Variants in SI observed in about 807,000 individuals in gnomAD.
SI encodes sucrase-isomaltase, intestinal.
SI carries 235 observed loss-of-function variants against 253.3 expected under a neutral mutation model. The ratio of observed to expected loss-of-function variants is 0.93; its 90% confidence interval spans 0.83 to 1.03. The LOEUF is 1.03. SI is among the 50% of genes least tolerant of loss of function. The probability of loss-of-function intolerance (pLI) is 0.00; values close to 1 mark genes in which losing one functional copy is unlikely to be tolerated. For missense variants in SI, 2,442 were observed against 2,211.1 expected (o/e 1.10, Z -2.09); for synonymous variants, 819 against 712.0 (o/e 1.15, Z -2.39).
rs1427782400 is a variant in SI at position 165,012,984 on chromosome 3, A to G, written c.4058T>C (p.Val1353Ala). 4 of 1,600,720 alleles carry G rather than the reference A, an allele frequency of 2.5e-6. No individual in the cohort carries two copies. Among genetic ancestry groups the G allele is most frequent in the Non-Finnish European group, 3.4e-6 (4 of 1,168,018 alleles). The change falls in exon 34 of 48, where the codon GTT becomes GCT. Residue 1353 changes from valine (V) to alanine (A), a missense_variant. Transcript: ENST00000264382. ...GTTAGCCCGTGTAAAACTTACATTA[A>G]CAGCTTCATCTTCCGTTAGAGTTTT... ...IDKTLTEDEA[V>A]NASRAHVAFP...
rs371618948 is a variant in SI, at chr3:165,041,025, G to A, written c.2074C>T (p.Arg692Cys). 4.0e-5 allele frequency: 65 copies of A among 1,612,084 alleles called. No homozygotes were observed. The highest frequency in any genetic ancestry group is 6.7e-5 in the African/African-American group (5 of 74,810). ...VKSSRQYLTIRYTLLPFLYTL... is the reference protein window; with the variant it reads ...VKSSRQYLTICYTLLPFLYTL... ...TAGAGGAAGGGTAATAAGGTGTAGC[G>A]AATAGTTAAATACTGCCTTGATGAT... The change falls in exon 18 of 48, where the codon CGC becomes TGC. Residue 692 changes from arginine to cysteine, a missense_variant. Arg to Cys is a radical substitution (Grantham distance 180, BLOSUM62 -3). Coordinates refer to ENST00000264382, the MANE Select transcript of SI (RefSeq NM_001041.4).
chr3:165,009,282 C>T lies in SI; in HGVS notation c.4176G>A (p.Trp1392Ter), dbSNP rs775256983. 8.8e-6 allele frequency: 14 copies of T among 1,592,772 alleles called. No individual in the cohort carries two copies. The South Asian group carries it at 1.5e-4, about 18-fold the overall frequency. The change falls in exon 35 of 48, where the codon TGG becomes TGA. Residue 1392 changes from tryptophan (W) to a stop codon, truncating the protein, a stop_gained. Coordinates refer to ENST00000264382, the MANE Select transcript of SI (RefSeq NM_001041.4). LOFTEE classifies it high-confidence loss of function. ...YNEKMKFDGLWIDMNEPSSFV... is the reference protein window; with the variant it reads ...YNEKMKFDGL ...AGATTGTTCAAAGCTTACTTACAAT[C>T]CACAAACCATCAAACTTCATCTTTT...
intron 22 of SI, 129 bp from the exon 23 acceptor site, chr3:165,033,573 G>T (rs1344292694): frequency 2.1e-6 from 2 of 931,130 alleles, no homozygotes; most frequent in Non-Finnish European, 2.8e-6. Flanking sequence ...ATCCCAAACA[G>T]ATTTTGTTTT....
At chr3:165,081,146 A>G (rs1039255233), upstream of SI, among the ~76,000 whole-genome samples, 11 of 152,100 alleles carry the variant, frequency 7.2e-5, no homozygotes, top group African/African-American at 1.9e-4. Flanking sequence ...GTATTCAATT[A>G]TAAGCATAAG....
At chr3:165,059,378 C>G in intron 10 of SI, 79 bp from the exon 11 acceptor site, 1 of 1,347,432 alleles carries the variant, frequency 7.4e-7, no homozygotes, top group East Asian at 2.3e-5. Context: ...CTCCATTGAA[C>G]GTGTATTATA....
intron 12 of SI, 112 bp from the exon 13 acceptor site, chr3:165,055,419 T>A: frequency 1.5e-6 from 1 of 657,644 alleles, no homozygotes. Flanking sequence ...ATTCTACTTC[T>A]TTAGGTATAT....
rs371915462 is a variant in SI at position 164,987,241 on chromosome 3, T to G, written c.5109-15A>C. 44 of 1,601,046 alleles carry G rather than the reference T, an allele frequency of 2.7e-5. 1 individual carries two copies. In the African/African-American group the frequency reaches 5.4e-4, roughly 19 times the overall value. On this transcript the variant is annotated splice_polypyrimidine_tract_variant and intron_variant, in intron 44 of 47. Coordinates refer to ENST00000264382, the MANE Select transcript of SI (RefSeq NM_001041.4). ...GTTTTTGTCGACTATAAGAAAGAAA[T>G]ATATAATTTTACCCATGTTTGTAGA...
chr3:165,009,375 A>G lies in SI; in HGVS notation c.4083T>C (p.Ala1361=), dbSNP rs749027072. Residue 1361 remains alanine (A), a synonymous_variant, in exon 35 of 48, where the codon GCT becomes GCC. Coordinates refer to ENST00000264382, the MANE Select transcript of SI (RefSeq NM_001041.4). ...TGGAAGTCCTGAAGAAATCTGGGAA[A>G]GCTACATGAGCTCTGGAAGCCTGTA... ...EAVNASRAHV[A]FPDFFRTSTA... is the part of the protein sequence containing the mutation. The G allele has an allele frequency of 6.2e-7, 1 of 1,613,250 alleles. No homozygotes were observed. Among genetic ancestry groups the G allele is most frequent in the Non-Finnish European group, 8.5e-7 (1 of 1,179,302 alleles).
chr3:165,044,262 T>C (rs1019379571), intron 16 of SI, among the ~76,000 whole-genome samples: 1 of 152,010 alleles, frequency 6.6e-6, no homozygotes, highest in Non-Finnish European at 1.5e-5. Context: ...TGTATAGATA[T>C]CCTTGTGAAT....
chr3:165,002,129 T>C (rs1476897782), intron 37 of SI, among the ~76,000 whole-genome samples: 4 of 151,666 alleles, frequency 2.6e-5, no homozygotes, highest in Admixed American at 2.0e-4. Context: ...TTTAAAGCTT[T>C]TGGTAAAAAT....
At chr3:165,068,122 T>C (rs1714355368) in intron 5 of SI, among the ~76,000 whole-genome samples, 1 of 152,108 alleles carries the variant, frequency 6.6e-6, no homozygotes, top group African/African-American at 2.4e-5. Context: ...GAAAGTATTA[T>C]GTTGCATGTA....
At chr3:165,054,983 A>C (rs1298877817) in intron 13 of SI, among the ~76,000 whole-genome samples, 1 of 152,188 alleles carries the variant, frequency 6.6e-6, no homozygotes, top group Admixed American at 6.6e-5. Context: ...GCTAAAAAAG[A>C]AAAACCTTGA....
intron 8 of SI, 40 bp downstream of exon 8, chr3:165,063,402 G>A: frequency 2.2e-6 from 2 of 928,512 alleles, no homozygotes; most frequent in Non-Finnish European, 3.5e-6. Flanking sequence ...AACATTTCAA[G>A]TGAAATCTAT....
chr3:165,074,932 T>G (rs1714853474), intron 2 of SI, among the ~76,000 whole-genome samples: 1 of 152,010 alleles, frequency 6.6e-6, no homozygotes, highest in African/African-American at 2.4e-5. Flanking sequence ...AAGGACTTGG[T>G]GTAGATTCAG....
intron 13 of SI, among the ~76,000 whole-genome samples, chr3:165,054,015 A>G (rs1251823372): frequency 2.0e-5 from 3 of 152,058 alleles, no homozygotes; most frequent in African/African-American, 7.2e-5. Flanking sequence ...CCTGAAGATT[A>G]TGCTAATCCT....
At position 164,998,570 on chromosome 3, in the gene SI, G is replaced by T; in HGVS notation, c.4510C>A (p.Arg1504=). The change falls in exon 38 of 48, where the codon CGA becomes AGA. Residue 1504 remains arginine, a synonymous_variant. Coordinates refer to ENST00000264382, the MANE Select transcript of SI (RefSeq NM_001041.4). ...ATTGATTTGTCCATGTTGTCCCATC[G>T]TGCATAGTTGTCTCCAAGCCAGTGT... ...GGHWLGDNYA[R]WDNMDKSIIG... is the part of the protein sequence containing the mutation. 2 of 1,612,088 alleles carry T rather than the reference G, an allele frequency of 1.2e-6. No individual in the cohort carries two copies. Among genetic ancestry groups the T allele is most frequent in the Non-Finnish European group, 1.7e-6 (2 of 1,178,630 alleles).
rs750088955 is a variant in SI, at chr3:165,033,444, T to C, written c.2516A>G (p.Asp839Gly). 1.3e-6 allele frequency: 2 copies of C among 1,537,690 alleles called. No homozygotes were observed. The highest frequency in any genetic ancestry group is 1.8e-6 in the Non-Finnish European group (2 of 1,138,292). ...DFFWDDGETKDTIQNGNYILY... is the reference protein window; with the variant it reads ...DFFWDDGETKGTIQNGNYILY... ...TATGTAGTTGCCATTTTGTATTGTA[T>C]CTGAAATGAAAAATATCGTGATCAG... The change falls in exon 23 of 48, where the codon GAT becomes GGT. Residue 839 changes from aspartate (D) to glycine (G), a missense_variant and splice_region_variant. Coordinates refer to ENST00000264382, the MANE Select transcript of SI (RefSeq NM_001041.4).
chr3:165,043,731 ATTTCT>A (rs376663491), intron 16 of SI, among the ~76,000 whole-genome samples: 235 of 152,120 alleles, frequency 1.5e-3, no homozygotes, highest in African/African-American at 5.3e-3. Context: ...ATTTACAAAC[ATTTCT>A]TTATTTTTTC....
chr3:164,992,274 A>G (rs1008663480), intron 42 of SI, 39 bp downstream of exon 42: 12 of 1,612,074 alleles, frequency 7.4e-6, no homozygotes, highest in Non-Finnish European at 1.0e-5. Flanking sequence ...ATATAAACCA[A>G]AGAAAATTGT....
Sources: allele counts gnomAD v4.1 joint callset (sites outside exome capture counted in the v4.1 genomes callset), GRCh38; gene constraint gnomAD v4.1.1; transcripts MANE v1.5; gene names NCBI Gene and HGNC (gene_info 2026-07-23, HGNC 2026-07-21).